Variants in OR8B3 observed in about 807,000 individuals in gnomAD.
OR8B3 encodes olfactory receptor 8B3.
For missense variants in OR8B3, 278 were observed against 377.6 expected, an observed-to-expected ratio of 0.74 and a Z score of 2.19; for synonymous variants, 102 against 135.4, an observed-to-expected ratio of 0.75 and a Z score of 1.71.
chr11:124,404,710 G>A, the OR8B3 span: 1 of 152,158 alleles, frequency 6.6e-6, no homozygotes, highest in East Asian at 1.9e-4. Flanking sequence ...GCATTTTCTA[G>A]TTTCACATCA....
chr11:124,402,848 T>A (rs990470186), upstream of OR8B3, among the ~76,000 whole-genome samples: 6 of 148,700 alleles, frequency 4.0e-5, no homozygotes, highest in East Asian at 2.0e-4. Context: ...TTTTTTTTTT[T>A]ATTGATCATT....
the OR8B3 span, among the ~76,000 whole-genome samples, chr11:124,405,929 C>G: frequency 5.9e-5 from 9 of 152,268 alleles, no homozygotes; most frequent in East Asian, 1.5e-3. Flanking sequence ...GTCGGGAAAT[C>G]CAATCTCCAA....
rs752369927 is a variant in OR8B3, at chr11:124,397,052, C to T, written c.300G>A (p.Gln100=). Reference sequence around the variant, plus strand: ...TGACAAAAAAGAGAAAGAAAAACAGCTGAGTCATGCACCCAACATAGGAGA... The same window carrying T: ...TGACAAAAAAGAGAAAGAAAAACAGTTGAGTCATGCACCCAACATAGGAGA... ...NIISYVGCMT[Q]LFFFLFFVIS... The change falls in exon 2 of 2, where the codon CAG becomes CAA. Residue 100 remains glutamine (Q), a synonymous_variant. Transcript: ENST00000641139. 2.5e-6 allele frequency: 4 copies of T among 1,613,908 alleles called. No homozygotes were observed. The highest frequency in any genetic ancestry group is 1.7e-5 in the Admixed American group (1 of 59,980).
upstream of OR8B3, among the ~76,000 whole-genome samples, chr11:124,400,602 G>A (rs1484071634): frequency 1.3e-5 from 2 of 152,094 alleles, no homozygotes; most frequent in African/African-American, 4.8e-5. Context: ...ACAGTGGCAC[G>A]ATCTTGGCTC....
At chr11:124,407,114 C>G in the OR8B3 span, among the ~76,000 whole-genome samples, 1 of 152,192 alleles carries the variant, frequency 6.6e-6, no homozygotes, top group South Asian at 2.1e-4. Flanking sequence ...ATGATGTTAG[C>G]TGATATTTCA....
the OR8B3 span, among the ~76,000 whole-genome samples, chr11:124,407,570 A>G: frequency 6.6e-6 from 1 of 152,136 alleles, no homozygotes; most frequent in Non-Finnish European, 1.5e-5. Flanking sequence ...CAGGTCATCC[A>G]GGTTACCCCA....
At chr11:124,398,273 G>A (rs1565351467) in intron 1 of OR8B3, among the ~76,000 whole-genome samples, 1 of 122,518 alleles carries the variant, frequency 8.2e-6, no homozygotes, top group African/African-American at 4.1e-5. Flanking sequence ...ATCCTAGCTA[G>A]ACAGGATGAA....
rs1440824411 is a variant in OR8B3 at position 124,396,147 on chromosome 11, G to C, written c.*263C>G. 2.8e-6 allele frequency: 1 copy of C among 358,808 alleles called. No individual in the cohort carries two copies. Among genetic ancestry groups the C allele is most frequent in the South Asian group, 5.4e-5 (1 of 18,404 alleles). 22.2% of individuals were successfully genotyped at this position (358,808 alleles called of 1,614,324 possible). ...GTCCAATTAAGAACAGCCCAGGAGA[G>C]AGGAAGGATATAAAATGATAATGAA... On this transcript the variant is annotated 3_prime_UTR_variant, in exon 2 of 2. Coordinates refer to ENST00000641139, the MANE Select transcript of OR8B3 (RefSeq NM_001005467.2).
chr11:124,399,398 T>A (rs923097717), upstream of OR8B3, among the ~76,000 whole-genome samples: 18 of 152,206 alleles, frequency 1.2e-4, no homozygotes, highest in Non-Finnish European at 1.9e-4. Context: ...GATTTTTTAA[T>A]AAAAATTTTG....
At position 124,397,220 on chromosome 11, in the gene OR8B3, G is replaced by A. The variant is rs1000166192; in HGVS notation, c.132C>T (p.Gly44=). 1.2e-6 allele frequency: 2 copies of A among 1,609,198 alleles called. No homozygotes were observed. Among genetic ancestry groups the A allele is most frequent in the African/African-American group, 2.8e-5 (2 of 71,692 alleles). ...VYIVTMVGNL[G]LIILFGLNSH... ...AATTTAGACCGAAAAGAATGATCAA[G>A]CCAAGGTTGCCTACCATGGTGACAA... Residue 44 remains glycine, a synonymous_variant, in exon 2 of 2, where the codon GGC becomes GGT. Coordinates refer to ENST00000641139, the MANE Select transcript of OR8B3 (RefSeq NM_001005467.2).
At chr11:124,403,201 C>G (rs1353076473), upstream of OR8B3, among the ~76,000 whole-genome samples, 3 of 152,252 alleles carry the variant, frequency 2.0e-5, no homozygotes, top group Admixed American at 1.3e-4. Flanking sequence ...TAGTACAGAA[C>G]AAAATGGAGT....
At chr11:124,404,081 T>C in the OR8B3 span, among the ~76,000 whole-genome samples, 2 of 152,116 alleles carry the variant, frequency 1.3e-5, no homozygotes, top group African/African-American at 4.8e-5. Flanking sequence ...CAGCTTCGGC[T>C]CGGCATCAGA....
At chr11:124,404,078 G>C in the OR8B3 span, among the ~76,000 whole-genome samples, 351 of 152,320 alleles carry the variant, frequency 2.3e-3, 2 homozygotes, top group African/African-American at 7.8e-3. Flanking sequence ...GTCCAGCTTC[G>C]GCTCGGCATC....
chr11:124,407,423 C>T, the OR8B3 span, among the ~76,000 whole-genome samples: 2 of 152,126 alleles, frequency 1.3e-5, no homozygotes, highest in Admixed American at 1.3e-4. Context: ...ATACCCCACT[C>T]TCATGTCCCC....
chr11:124,401,473 G>A (rs1287419998), upstream of OR8B3, among the ~76,000 whole-genome samples: 1 of 152,178 alleles, frequency 6.6e-6, no homozygotes, highest in South Asian at 2.1e-4. Context: ...AGTGGTAAGA[G>A]TTTTCAATAA....
At chr11:124,397,508 C>T (rs932209866) in intron 1 of OR8B3, 140 bp from the exon 2 acceptor site, 3 of 555,178 alleles carry the variant, frequency 5.4e-6, no homozygotes, top group Non-Finnish European at 9.5e-6. Context: ...TGTACTGCCA[C>T]TCCCACTCCT....
upstream of OR8B3, among the ~76,000 whole-genome samples, chr11:124,403,442 G>T (rs1185030088): frequency 6.6e-6 from 1 of 151,448 alleles, no homozygotes; most frequent in African/African-American, 2.4e-5. Flanking sequence ...CAGACGGGGC[G>T]GCCGGGCAGA....
upstream of OR8B3, among the ~76,000 whole-genome samples, chr11:124,399,410 G>A (rs1380620268): frequency 6.6e-6 from 1 of 152,084 alleles, no homozygotes; most frequent in Non-Finnish European, 1.5e-5. Flanking sequence ...AAAATTTTGT[G>A]TAACATAGAA....
At chr11:124,398,001 T>C (rs572586870) in intron 1 of OR8B3, among the ~76,000 whole-genome samples, 198 of 152,264 alleles carry the variant, frequency 1.3e-3, no homozygotes, top group Middle Eastern at 3.4e-3. Flanking sequence ...GGCCACTTCC[T>C]AGTTTCTACT....
Sources: gnomAD v4.1 joint callset for allele counts (sites outside exome capture counted in the v4.1 genomes callset) on GRCh38, gnomAD v4.1.1 for gene constraint, MANE v1.5 for transcripts, NCBI Gene and HGNC (gene_info 2026-07-23, HGNC 2026-07-21) for gene names.